Variants in CHODL observed in about 807,000 individuals in gnomAD.
The protein encoded by CHODL is transmembrane protein MT75.
Under a neutral mutation model 34.5 loss-of-function variants are expected in CHODL, and 29 were observed. The ratio of observed to expected loss-of-function variants is 0.84; its 90% confidence interval spans 0.63 to 1.15. The LOEUF is 1.15. CHODL is among the 50% of genes most tolerant of loss of function. The probability of loss-of-function intolerance (pLI) is 0.00; values close to 1 mark genes in which losing one functional copy is unlikely to be tolerated. For synonymous variants in CHODL, 125 were observed against 116.1 expected (o/e 1.08, Z -0.49); for missense variants, 332 against 332.5 (o/e 1.00, Z 0.01).
At chr21:18,040,603 A>G (rs2064363180) in intron 2 of CHODL, among the ~76,000 whole-genome samples, 1 of 151,812 alleles carries the variant, frequency 6.6e-6, no homozygotes, top group Non-Finnish European at 1.5e-5. Flanking sequence ...TTTTGTAACA[A>G]AAAGCTTCTT....
At chr21:18,083,496 C>T (rs1295352472) in intron 2 of CHODL, among the ~76,000 whole-genome samples, 4 of 152,176 alleles carry the variant, frequency 2.6e-5, no homozygotes, top group African/African-American at 9.6e-5. Context: ...CCACCAACAG[C>T]TTGCACCATG....
intron 2 of CHODL, among the ~76,000 whole-genome samples, chr21:18,197,589 T>A (rs901446496): frequency 2.0e-5 from 3 of 152,176 alleles, no homozygotes; most frequent in Admixed American, 1.3e-4. Context: ...GCACTCAACC[T>A]GGGTGATAGA....
At position 17,955,586 on chromosome 21, in the gene CHODL, C is replaced by A. The variant is rs1399849247; in HGVS notation, c.-145+38186C>A. Among the ~76,000 whole-genome samples, 2 of 136,798 alleles carry A rather than the reference C, an allele frequency of 1.5e-5. 1 individual carries two copies. Among genetic ancestry groups the A allele is most frequent in the Non-Finnish European group, 3.3e-5 (2 of 60,208 alleles). The allele number at this position is 136,798 out of a possible 152,430, so 89.7% of individuals were successfully genotyped here. A position where few individuals can be genotyped will look rare whatever the true frequency, so the allele number is the denominator to read the frequency against. Reference sequence around the variant, plus strand: ...GACAGTCACCAGGGGAGTACTAATGCAGAAACCATGAGACCAGCTTATCTT... The same window carrying A: ...GACAGTCACCAGGGGAGTACTAATGAAGAAACCATGAGACCAGCTTATCTT... On this transcript the variant is annotated intron_variant, in intron 1 of 6. Coordinates refer to the CHODL transcript ENST00000400127.
intron 1 of CHODL, among the ~76,000 whole-genome samples, chr21:17,950,975 A>G (rs2063452176): frequency 6.6e-6 from 1 of 152,116 alleles, no homozygotes; most frequent in Admixed American, 6.5e-5. Flanking sequence ...GTCTTAAAGT[A>G]TTTCATTGGT....
chr21:18,012,127 G>T (rs1266589582), intron 1 of CHODL, among the ~76,000 whole-genome samples: 1 of 152,236 alleles, frequency 6.6e-6, no homozygotes, highest in Non-Finnish European at 1.5e-5. Context: ...ACACTGACAT[G>T]AATGAGGATT....
intron 2 of CHODL, chr21:18,134,395 TC>T (rs2072695233): frequency 1.9e-6 from 1 of 514,536 alleles, no homozygotes; most frequent in African/African-American, 1.9e-5. Context: ...AGCTGGCATC[TC>T]ACTCTTGTAG....
At chr21:17,983,055 C>G (rs1191509920) in intron 1 of CHODL, among the ~76,000 whole-genome samples, 1 of 152,102 alleles carries the variant, frequency 6.6e-6, no homozygotes, top group Non-Finnish European at 1.5e-5. Flanking sequence ...TAATTTTTGA[C>G]TTAAATGTAA....
At chr21:18,104,423 T>C (rs1156291429) in intron 2 of CHODL, among the ~76,000 whole-genome samples, 3 of 152,200 alleles carry the variant, frequency 2.0e-5, no homozygotes, top group Non-Finnish European at 4.4e-5. Context: ...GCCATGATTC[T>C]GAGTTTCCTG....
At chr21:18,069,345 G>A (rs944753232) in intron 2 of CHODL, among the ~76,000 whole-genome samples, 5 of 151,846 alleles carry the variant, frequency 3.3e-5, no homozygotes, top group South Asian at 2.1e-4. Context: ...ATCCCATTTC[G>A]TATTCTATCA....
chr21:18,208,106 T>A (rs2073733108), intron 2 of CHODL, among the ~76,000 whole-genome samples: 1 of 152,072 alleles, frequency 6.6e-6, no homozygotes, highest in African/African-American at 2.4e-5. Flanking sequence ...TAGATTAAGA[T>A]TTACTGTTTT....
chr21:18,011,401 A>C (rs1437975858), intron 1 of CHODL, among the ~76,000 whole-genome samples: 1 of 152,206 alleles, frequency 6.6e-6, no homozygotes, highest in East Asian at 1.9e-4. Context: ...GAGTATTTTA[A>C]AGCAAAATCT....
intron 2 of CHODL, among the ~76,000 whole-genome samples, chr21:18,209,911 CT>C (rs937618782): frequency 5.9e-5 from 9 of 152,104 alleles, no homozygotes; most frequent in African/African-American, 1.9e-4. Flanking sequence ...TCCAAGTCCT[CT>C]TTATTCTTCT....
chr21:18,119,149 A>G (rs570026940), intron 2 of CHODL, among the ~76,000 whole-genome samples: 10 of 152,268 alleles, frequency 6.6e-5, no homozygotes, highest in African/African-American at 2.4e-4. Flanking sequence ...GCTGAGGTAT[A>G]TGCTGGTGAC....
chr21:17,938,510 G>GCTCCATC (rs2063336646), intron 1 of CHODL, among the ~76,000 whole-genome samples: 1 of 94,486 alleles, frequency 1.1e-5, no homozygotes, highest in Non-Finnish European at 1.9e-5. Flanking sequence ...AGGGAGTCTC[G>GCTCCATC]CTCCATCGCC....
chr21:17,923,895 A>G (rs897381117), intron 1 of CHODL, among the ~76,000 whole-genome samples: 1 of 152,252 alleles, frequency 6.6e-6, no homozygotes, highest in Non-Finnish European at 1.5e-5. Flanking sequence ...GCTTTAAACA[A>G]TCACTTACTT....
chr21:18,165,311 CCA>C (rs1413632090), intron 2 of CHODL, among the ~76,000 whole-genome samples: 4 of 152,170 alleles, frequency 2.6e-5, no homozygotes, highest in Admixed American at 6.5e-5. Context: ...TTTCGTCGAT[CCA>C]CTTAAGTTTT....
chr21:17,922,225 T>C (rs560775028), intron 1 of CHODL, among the ~76,000 whole-genome samples: 4 of 151,090 alleles, frequency 2.6e-5, no homozygotes, highest in South Asian at 2.1e-4. Context: ...AAAAAAACAC[T>C]GTACCTCAGA....
chr21:18,204,234 A>T (rs540558754), intron 2 of CHODL, among the ~76,000 whole-genome samples: 3 of 152,178 alleles, frequency 2.0e-5, no homozygotes, highest in Non-Finnish European at 4.4e-5. Context: ...TTATTTAGCG[A>T]GTCTGTGACT....
chr21:18,198,334 A>G (rs1344351158), intron 2 of CHODL, among the ~76,000 whole-genome samples: 1 of 152,172 alleles, frequency 6.6e-6, no homozygotes, highest in Non-Finnish European at 1.5e-5. Context: ...ATTAAAACAG[A>G]CTGTATTTCC....
Sources: gnomAD v4.1 joint callset for allele counts (sites outside exome capture counted in the v4.1 genomes callset) on GRCh38, gnomAD v4.1.1 for gene constraint, MANE v1.5 for transcripts, NCBI Gene and HGNC (gene_info 2026-07-23, HGNC 2026-07-21) for gene names.